CENPF: variants seen among roughly 807,000 people sequenced by gnomAD.
The protein encoded by CENPF is AH antigen.
In CENPF, 214 loss-of-function variants were observed where a neutral mutation model predicts 307.3. That is an observed-to-expected ratio of 0.70 (90% CI 0.62 to 0.78). The LOEUF (loss-of-function observed/expected upper bound fraction) is 0.78, where lower values mean the gene tolerates loss of function less well. Ranked by LOEUF, CENPF falls within the 30% of genes least tolerant of loss-of-function variation. CENPF has a pLI of 0.00. For synonymous variants in CENPF, 1,259 were observed against 1,270.6 expected (o/e 0.99, Z 0.19); for missense variants, 3,401 against 3,483.9 (o/e 0.98, Z 0.60).
At chr1:214,615,259 G>A (rs543004334) in intron 3 of CENPF, 14 of 301,980 alleles carry the variant, frequency 4.6e-5, no homozygotes, top group African/African-American at 2.8e-4. Flanking sequence ...TTTATCAAAT[G>A]TTTGCTGCAT....
chr1:214,657,383 A>G lies in CENPF; in HGVS notation c.8936A>G (p.Glu2979Gly), dbSNP rs775952508. The G allele has an allele frequency of 1.2e-6, 2 of 1,608,802 alleles. No homozygotes were observed. The highest frequency in any genetic ancestry group is 1.3e-5 in the African/African-American group (1 of 74,996). Reference protein sequence around the residue: ...EDTEGTEFEPEGLPEVVKKGF... With the variant: ...EDTEGTEFEPGGLPEVVKKGF... The stretch of plus-strand genomic sequence containing the variant: ...ACGGAAGGTACTGAGTTTGAGCCAG[A>G]GGGACTTCCAGAAGTTGTAAAGAAA... Residue 2979 changes from glutamate (E) to glycine (G), a missense_variant, in exon 18 of 20, where the codon GAG becomes GGG. Glu to Gly is a moderately conservative substitution (Grantham distance 98, BLOSUM62 -2). Transcript: ENST00000366955.
At chr1:214,655,193 TATAAA>T in intron 16 of CENPF, 43 bp from the exon 17 acceptor site, 1 of 1,275,546 alleles carries the variant, frequency 7.8e-7, no homozygotes, top group Non-Finnish European at 1.1e-6. Context: ...TCCATATGCT[TATAAA>T]AAGAAATTCA....
At chr1:214,629,210 C>A in intron 8 of CENPF, 39 bp downstream of exon 8, 1 of 1,519,342 alleles carries the variant, frequency 6.6e-7, no homozygotes, top group Non-Finnish European at 8.8e-7. Context: ...GTCTGAAAGG[C>A]TTTTTATGGG....
chr1:214,658,033 C>T (rs1658687790), intron 18 of CENPF, among the ~76,000 whole-genome samples: 1 of 152,194 alleles, frequency 6.6e-6, no homozygotes, highest in Non-Finnish European at 1.5e-5. Context: ...TATTATTCCA[C>T]AGCACATTGG....
intron 10 of CENPF, among the ~76,000 whole-genome samples, chr1:214,634,744 G>A (rs1657909251): frequency 1.3e-5 from 2 of 152,172 alleles, no homozygotes; most frequent in African/African-American, 4.8e-5. Context: ...CAGTGCACTT[G>A]AGATTTCTCA....
chr1:214,616,881 CTTTCTTTCTTTCTTTCTTT>C (rs1558170914), intron 3 of CENPF, among the ~76,000 whole-genome samples: 4 of 103,872 alleles, frequency 3.9e-5, no homozygotes, highest in Non-Finnish European at 2.0e-5. Flanking sequence ...TTCTTTCTTT[CTTTCTTTCTTTCTTTCTTT>C]CTTTCTTTCT....
chr1:214,658,936 G>C lies in CENPF; in HGVS notation c.9049G>C (p.Ala3017Pro). Residue 3017 changes from alanine (A) to proline (P), a missense_variant, in exon 19 of 20, where the codon GCA becomes CCA. Ala to Pro is a conservative substitution (Grantham distance 27). Transcript: ENST00000366955. ...AACTCGGACCAGCCCCCGCCTGGCT[G>C]CACAGAAGTTAGCGCTATCCCCACT... is the stretch of plus-strand genomic sequence containing the variant. ...MATRTSPRLA[A>P]QKLALSPLSL... is the part of the protein sequence containing the mutation. 6.2e-7 allele frequency: 1 copy of C among 1,614,112 alleles called. No individual in the cohort carries two copies. The highest frequency in any genetic ancestry group is 8.5e-7 in the Non-Finnish European group (1 of 1,179,998).
intron 10 of CENPF, among the ~76,000 whole-genome samples, chr1:214,635,764 T>G (rs1409247644): frequency 6.6e-6 from 1 of 152,212 alleles, no homozygotes; most frequent in Non-Finnish European, 1.5e-5. Context: ...GAAAGTCATG[T>G]TAATCTTTCC....
chr1:214,613,194 C>G (rs1039382654), intron 1 of CENPF: 1 of 250,584 alleles, frequency 4.0e-6, no homozygotes, highest in East Asian at 1.0e-4. Context: ...AGGATACATT[C>G]TATTTTAAGG....
At chr1:214,603,433 T>A (rs1303865742) in intron 1 of CENPF, 112 bp downstream of exon 1, 1 of 152,228 alleles carries the variant, frequency 6.6e-6, no homozygotes, top group Non-Finnish European at 1.5e-5. Context: ...GGGAGGCCTC[T>A]GGGATCACTC....
In CENPF at chr1:214,664,137, AT is replaced by A. The variant is rs1658858278; in HGVS notation, c.*347del. ...TTTACACTAAAAAAATGCAAAACAC[AT>A]TTTATTCTTCTAATTAACAGCTCCT... On this transcript the variant is annotated 3_prime_UTR_variant, in exon 20 of 20. Coordinates refer to ENST00000366955, the MANE Select transcript of CENPF (RefSeq NM_016343.4). The A allele has an allele frequency of 5.7e-6, 1 of 175,438 alleles. No individual in the cohort carries two copies. Among genetic ancestry groups the A allele is most frequent in the Admixed American group, 6.0e-5 (1 of 16,578 alleles). The allele number at this position is 175,438 out of a possible 1,614,324, so 10.9% of individuals were successfully genotyped here.
At position 214,648,562 on chromosome 1, in the gene CENPF, C is replaced by A. The variant is rs952466381; in HGVS notation, c.7831-113C>A. On this transcript the variant is annotated intron_variant, in intron 13 of 19. Transcript: ENST00000366955. ...TAGTAAAGGCGGGATTAGCCAGCTT[C>A]CATTTTATGATTGAAGGCTAAAATA... is the stretch of plus-strand genomic sequence containing the variant. 6.6e-6 allele frequency: 8 copies of A among 1,208,804 alleles called. No homozygotes were observed. In the African/African-American group the frequency reaches 1.0e-4, roughly 16 times the overall value. 74.9% of individuals were successfully genotyped at this position (1,208,804 alleles called of 1,614,324 possible).
At chr1:214,638,067 G>A (rs2102555594) in intron 11 of CENPF, 66 bp downstream of exon 11, 1 of 1,439,948 alleles carries the variant, frequency 6.9e-7, no homozygotes, top group Non-Finnish European at 9.3e-7. Context: ...GGGATGGATG[G>A]CATTAACATA....
chr1:214,646,136 C>T lies in CENPF; in HGVS notation c.6566C>T (p.Thr2189Ile), dbSNP rs781157276. Residue 2189 changes from threonine (T) to isoleucine (I), a missense_variant, in exon 13 of 20, where the codon ACA becomes ATA. Thr to Ile is a moderately conservative substitution (Grantham distance 89, BLOSUM62 -1). Coordinates refer to ENST00000366955, the MANE Select transcript of CENPF (RefSeq NM_016343.4). ...AAAGCAGAAGTAGAGACTCTAAAAA[C>T]ACAAATAGAAGAGATGGCCAGAAGC... ...NSKAEVETLK[T>I]QIEEMARSLK... 1.5e-5 allele frequency: 24 copies of T among 1,613,918 alleles called. No homozygotes were observed. The highest frequency in any genetic ancestry group is 1.9e-5 in the Non-Finnish European group (23 of 1,180,032).
chr1:214,663,538 G>A, intron 19 of CENPF, 53 bp from the exon 20 acceptor site: 1 of 1,550,842 alleles, frequency 6.4e-7, no homozygotes, highest in African/African-American at 1.4e-5. Flanking sequence ...TATTTTTCAT[G>A]TTGTGGAAAT....
chr1:214,649,923 G>C (rs1302336440), intron 14 of CENPF, among the ~76,000 whole-genome samples: 1 of 152,130 alleles, frequency 6.6e-6, no homozygotes, highest in Non-Finnish European at 1.5e-5. Flanking sequence ...TAAGGTCAGG[G>C]GATAGACTAT....
At chr1:214,632,748 T>A (rs566046861) in intron 10 of CENPF, 146 bp downstream of exon 10, 3 of 899,858 alleles carry the variant, frequency 3.3e-6, no homozygotes, top group East Asian at 2.7e-5. Flanking sequence ...ATTACAGAAT[T>A]TTCTGTATAT....
chr1:214,619,288 G>C, intron 5 of CENPF, 68 bp downstream of exon 5: 1 of 805,528 alleles, frequency 1.2e-6, no homozygotes, highest in African/African-American at 1.8e-5. Context: ...AATAGAACAA[G>C]GTTAGAGAAA....
At position 214,618,712 on chromosome 1, in the gene CENPF, T is replaced by G. The variant is rs901124867; in HGVS notation, c.481+18T>G. 5 of 1,609,216 alleles carry G rather than the reference T, an allele frequency of 3.1e-6. No individual in the cohort carries two copies. The African/African-American group carries it at 6.7e-5, about 22-fold the overall frequency. ...TTATAGTGGTAATGCATTTTCTTCC[T>G]TGGTATAGACAGCTTTTTGTTTAGC... On this transcript the variant is annotated intron_variant, in intron 4 of 19. Coordinates refer to ENST00000366955, the MANE Select transcript of CENPF (RefSeq NM_016343.4).
Sources: allele counts gnomAD v4.1 joint callset (sites outside exome capture counted in the v4.1 genomes callset), GRCh38; gene constraint gnomAD v4.1.1; transcripts MANE v1.5; gene names NCBI Gene and HGNC (gene_info 2026-07-23, HGNC 2026-07-21).